CCSER1: variants seen among roughly 807,000 people sequenced by gnomAD.
The protein encoded by CCSER1 is serine-rich coiled-coil domain-containing protein 1.
In CCSER1, 41 loss-of-function variants were observed where a neutral mutation model predicts 82.0. That is an observed-to-expected ratio of 0.50 (90% CI 0.39 to 0.65). The LOEUF (loss-of-function observed/expected upper bound fraction) is 0.65, where lower values mean the gene tolerates loss of function less well. CCSER1 is among the 30% of genes least tolerant of loss of function. The pLI, the probability that CCSER1 is intolerant of heterozygous loss-of-function variation, is 0.00. For synonymous variants in CCSER1, 414 were observed against 383.9 expected, an observed-to-expected ratio of 1.08 and a Z score of -0.92; for missense variants, 1,119 against 1,064.2, an observed-to-expected ratio of 1.05 and a Z score of -0.72.
intron 10 of CCSER1, among the ~76,000 whole-genome samples, chr4:91,117,204 C>T (rs1224116580): frequency 6.6e-6 from 1 of 152,180 alleles, no homozygotes; most frequent in Non-Finnish European, 1.5e-5. Flanking sequence ...AACCTTGGTT[C>T]CATGTAAATG....
chr4:90,711,207 G>T (rs911893535), intron 6 of CCSER1, among the ~76,000 whole-genome samples: 3 of 151,970 alleles, frequency 2.0e-5, no homozygotes, highest in African/African-American at 7.2e-5. Context: ...CTGAAATTGT[G>T]TATTAGCTTA....
At chr4:91,253,140 G>A (rs1740389401) in intron 10 of CCSER1, among the ~76,000 whole-genome samples, 2 of 152,002 alleles carry the variant, frequency 1.3e-5, no homozygotes. Context: ...AAGACCAACT[G>A]TTCCTCTTTC....
chr4:91,563,884 T>G (rs1009932413), intron 10 of CCSER1, among the ~76,000 whole-genome samples: 1 of 151,798 alleles, frequency 6.6e-6, no homozygotes, highest in African/African-American at 2.4e-5. Context: ...GTTAGTTCTG[T>G]TTTTTAAACT....
At chr4:90,316,523 G>A (rs893340603) in intron 3 of CCSER1, among the ~76,000 whole-genome samples, 13 of 152,128 alleles carry the variant, frequency 8.5e-5, no homozygotes, top group South Asian at 2.1e-4. Context: ...CTGATGAATA[G>A]TATCAATGTC....
chr4:91,180,807 G>C (rs931157419), intron 10 of CCSER1, among the ~76,000 whole-genome samples: 1 of 152,214 alleles, frequency 6.6e-6, no homozygotes, highest in Non-Finnish European at 1.5e-5. Context: ...AGAGCTGAGA[G>C]CCCCTAACAG....
intron 6 of CCSER1, among the ~76,000 whole-genome samples, chr4:90,685,618 CTG>C (rs1734687202): frequency 6.6e-6 from 1 of 152,104 alleles, no homozygotes; most frequent in Admixed American, 6.5e-5. Context: ...TTTAGGGTCT[CTG>C]TGTTCGGTGA....
In CCSER1 at chr4:90,526,885, C is replaced by G. The variant is rs553904426; in HGVS notation, c.1724+58531C>G. On this transcript the variant is annotated intron_variant, in intron 5 of 10. Coordinates refer to ENST00000509176, the MANE Select transcript of CCSER1 (RefSeq NM_001145065.2). ...GATTTATAGTCCTTTGGGTATATAC[C>G]CAGTAATGGGATTGCTGGGTCAAAT... is the stretch of plus-strand genomic sequence containing the variant. Among the ~76,000 whole-genome samples, 72 of 152,114 alleles carry G rather than the reference C, an allele frequency of 4.7e-4. 2 individuals are homozygous for G. In the Middle Eastern group the frequency reaches 0.027, roughly 57 times the overall value.
At chr4:91,026,173 C>A (rs1294451909) in intron 9 of CCSER1, among the ~76,000 whole-genome samples, 1 of 152,108 alleles carries the variant, frequency 6.6e-6, no homozygotes, top group Non-Finnish European at 1.5e-5. Flanking sequence ...AAGGAACATG[C>A]ATGACACCTA....
chr4:90,361,959 T>C (rs1033447593), intron 3 of CCSER1, among the ~76,000 whole-genome samples: 2 of 152,202 alleles, frequency 1.3e-5, no homozygotes, highest in African/African-American at 4.8e-5. Context: ...AAAAGCAGGT[T>C]GTTCACTCTC....
At chr4:90,183,226 T>A (rs545500352) in intron 1 of CCSER1, among the ~76,000 whole-genome samples, 1 of 152,248 alleles carries the variant, frequency 6.6e-6, no homozygotes, top group South Asian at 2.1e-4. Context: ...CTTAATTCCC[T>A]TGTTAGCTTT....
chr4:91,510,676 G>A (rs1759768335), intron 10 of CCSER1, among the ~76,000 whole-genome samples: 1 of 152,016 alleles, frequency 6.6e-6, no homozygotes, highest in African/African-American at 2.4e-5. Flanking sequence ...AATAGGGTTT[G>A]TTTTTACTTA....
chr4:90,613,159 C>T (rs1720566917), intron 5 of CCSER1, among the ~76,000 whole-genome samples: 2 of 151,958 alleles, frequency 1.3e-5, no homozygotes, highest in South Asian at 4.1e-4. Flanking sequence ...GTCCCAGAAA[C>T]CTACTTTTGC....
intron 4 of CCSER1, among the ~76,000 whole-genome samples, chr4:90,438,993 CA>C (rs972766037): frequency 6.6e-6 from 1 of 152,056 alleles, no homozygotes; most frequent in Non-Finnish European, 1.5e-5. Context: ...TGCTATTATT[CA>C]TTTTTTTAAA....
chr4:91,379,223 G>T lies in CCSER1; in HGVS notation c.2218-219349G>T, dbSNP rs184635430. On this transcript the variant is annotated intron_variant, in intron 10 of 10. Transcript: ENST00000509176. The stretch of plus-strand genomic sequence containing the variant: ...TGGTCTAAAATTCTCTTTTTTTGTT[G>T]TGTCTCTGTCAGGCTTTGGTATCAG... 5.0e-3 allele frequency among the ~76,000 whole-genome samples: 763 copies of T among 152,080 alleles called. 2 individuals are homozygous for T. The highest frequency in any genetic ancestry group is 0.017 in the Middle Eastern group (5 of 294).
chr4:90,479,061 A>C, intron 5 of CCSER1, among the ~76,000 whole-genome samples: 1 of 151,902 alleles, frequency 6.6e-6, no homozygotes, highest in Non-Finnish European at 1.5e-5. Context: ...AAATTACTTT[A>C]ATTACTAAAT....
At chr4:90,266,855 A>C (rs1171889469) in intron 1 of CCSER1, among the ~76,000 whole-genome samples, 1 of 152,090 alleles carries the variant, frequency 6.6e-6, no homozygotes, top group Non-Finnish European at 1.5e-5. Flanking sequence ...TCACTAGGCC[A>C]CAGGGACTAC....
At chr4:91,347,871 T>G (rs1748165789) in intron 10 of CCSER1, among the ~76,000 whole-genome samples, 1 of 151,488 alleles carries the variant, frequency 6.6e-6, no homozygotes. Flanking sequence ...GTTTTTTTTT[T>G]GTCAATTCTC....
chr4:91,351,810 G>A (rs1284938160), intron 10 of CCSER1, among the ~76,000 whole-genome samples: 1 of 151,852 alleles, frequency 6.6e-6, no homozygotes, highest in African/African-American at 2.4e-5. Flanking sequence ...CAATTTTAAA[G>A]GGAAAATATT....
chr4:90,517,611 C>A (rs566761873), intron 5 of CCSER1, among the ~76,000 whole-genome samples: 1 of 152,164 alleles, frequency 6.6e-6, no homozygotes, highest in East Asian at 1.9e-4. Context: ...CAGAGGCATA[C>A]ATTTGGGAGC....
Sources: allele counts gnomAD v4.1 joint callset (sites outside exome capture counted in the v4.1 genomes callset), GRCh38; gene constraint gnomAD v4.1.1; transcripts MANE v1.5; gene names NCBI Gene and HGNC (gene_info 2026-07-23, HGNC 2026-07-21).